DSCAML1: variants seen among roughly 807,000 people sequenced by gnomAD.
The protein encoded by DSCAML1 is DS cell adhesion molecule like 1, also known as cell adhesion molecule DSCAML1.
DSCAML1 carries 38 observed loss-of-function variants against 200.5 expected under a neutral mutation model. The observed-to-expected ratio is 0.19, with a 90% CI of 0.15 to 0.25. DSCAML1 has a LOEUF of 0.25. Ranked by LOEUF, DSCAML1 falls within the 10% of genes least tolerant of loss-of-function variation. The pLI, the probability that DSCAML1 is intolerant of heterozygous loss-of-function variation, is 1.00. For missense variants in DSCAML1, 2,223 were observed against 2,858.8 expected (o/e 0.78, Z 5.07); for synonymous variants, 1,215 against 1,165.0 (o/e 1.04, Z -0.87).
intron 3 of DSCAML1, among the ~76,000 whole-genome samples, chr11:117,641,675 C>T (rs993721797): frequency 1.3e-5 from 2 of 152,108 alleles, no homozygotes; most frequent in African/African-American, 4.8e-5. Flanking sequence ...GAGACAGACT[C>T]GGGCTGGGGA....
At position 117,463,594 on chromosome 11, in the gene DSCAML1, A is replaced by G. The variant is rs574865850; in HGVS notation, c.3265+1348T>C. Among the ~76,000 whole-genome samples, 5 of 152,284 alleles carry G rather than the reference A, an allele frequency of 3.3e-5. No homozygotes were observed. The South Asian group carries it at 1.0e-3, about 32-fold the overall frequency. On this transcript the variant is annotated intron_variant, in intron 17 of 32. Coordinates refer to ENST00000651296, the MANE Select transcript of DSCAML1 (RefSeq NM_020693.4). The surrounding 1 kb of genome is among the most constrained non-coding windows in gnomAD (Gnocchi z 4.0). ...AATGAACACTCCTGGCACTAAGAGG[A>G]GACAAGCTGATCTTCCTCAATCCAG...
chr11:117,749,268 A>G (rs1161570484), intron 3 of DSCAML1, among the ~76,000 whole-genome samples: 2 of 152,188 alleles, frequency 1.3e-5, no homozygotes, highest in Non-Finnish European at 2.9e-5. Context: ...GTGCCTTCCC[A>G]GGTAAATAAA....
chr11:117,497,122 C>T (rs770285453), intron 11 of DSCAML1, among the ~76,000 whole-genome samples: 16 of 152,174 alleles, frequency 1.1e-4, no homozygotes, highest in African/African-American at 2.9e-4. Flanking sequence ...CACAACAGAA[C>T]GCAACCCACT....
At chr11:117,440,392 A>G (rs2048018989) in intron 21 of DSCAML1, among the ~76,000 whole-genome samples, 1 of 152,220 alleles carries the variant, frequency 6.6e-6, no homozygotes, top group African/African-American at 2.4e-5. Context: ...TTGAAGGTTA[A>G]GAAAGACTTT....
intron 3 of DSCAML1, among the ~76,000 whole-genome samples, chr11:117,539,606 CAAAAA>C (rs35130897): frequency 4.0e-4 from 21 of 52,606 alleles, no homozygotes; most frequent in Non-Finnish European, 5.3e-4. Context: ...AAAACTCTGT[CAAAAA>C]AAAAAAAAAA....
intron 3 of DSCAML1, among the ~76,000 whole-genome samples, chr11:117,653,127 G>T (rs963755742): frequency 6.6e-6 from 1 of 152,066 alleles, no homozygotes; most frequent in East Asian, 1.9e-4. Context: ...TGGCTTTGCC[G>T]AGTAGTTTTG....
In DSCAML1 at chr11:117,505,788, C is replaced by T; in HGVS notation, c.1784-56G>A. 6.4e-7 allele frequency: 1 copy of T among 1,553,876 alleles called. No individual in the cohort carries two copies. The highest frequency in any genetic ancestry group is 1.2e-5 in the South Asian group (1 of 83,442). ...ACCCTGTGCATTCTCACCTGGCCGCCAACGCCGCCTCACCTGCCTTACCTG... is the reference window on the plus strand; with the variant it reads ...ACCCTGTGCATTCTCACCTGGCCGCTAACGCCGCCTCACCTGCCTTACCTG... On this transcript the variant is annotated intron_variant, in intron 8 of 32. Transcript: ENST00000651296. This position sits in a 1 kb window ranked among gnomAD's most constrained non-coding sequence, Gnocchi z 6.7.
At chr11:117,722,985 G>A (rs1430872680) in intron 3 of DSCAML1, among the ~76,000 whole-genome samples, 1 of 152,218 alleles carries the variant, frequency 6.6e-6, no homozygotes, top group Non-Finnish European at 1.5e-5. Flanking sequence ...TCTGGAGCCA[G>A]ATGGCCTGAG....
chr11:117,694,272 A>T lies in DSCAML1; in HGVS notation c.511+82519T>A, dbSNP rs1198481965. ...ACAAAAATTAGCTGGGCGTGGTGGC[A>T]GGTGCCTGTAATCCCAGCTACTTGG... On this transcript the variant is annotated intron_variant, in intron 3 of 32. Coordinates refer to ENST00000651296, the MANE Select transcript of DSCAML1 (RefSeq NM_020693.4). Among the ~76,000 whole-genome samples the T allele has an allele frequency of 2.6e-5, 4 of 151,746 alleles. No individual in the cohort carries two copies. The East Asian group carries it at 7.8e-4, about 29-fold the overall frequency.
intron 3 of DSCAML1, among the ~76,000 whole-genome samples, chr11:117,663,205 C>T (rs1158403355): frequency 4.6e-5 from 7 of 152,360 alleles, no homozygotes; most frequent in African/African-American, 1.7e-4. Flanking sequence ...ATCGCAGAGT[C>T]AGCCCTGACA....
At chr11:117,717,703 C>G in intron 3 of DSCAML1, among the ~76,000 whole-genome samples, 1 of 152,176 alleles carries the variant, frequency 6.6e-6, no homozygotes, top group East Asian at 1.9e-4. Context: ...GCCACATTCA[C>G]CCCATACTCA....
At chr11:117,648,509 C>T (rs191790416) in intron 3 of DSCAML1, among the ~76,000 whole-genome samples, 61 of 152,318 alleles carry the variant, frequency 4.0e-4, no homozygotes, top group Admixed American at 2.2e-3. Context: ...GATTCTAGAA[C>T]GTGGAAGCAG....
chr11:117,676,582 C>T (rs926249290), intron 3 of DSCAML1, among the ~76,000 whole-genome samples: 4 of 152,204 alleles, frequency 2.6e-5, no homozygotes, highest in Admixed American at 2.6e-4. Context: ...GGGACCAGTC[C>T]TTCCTAACCC....
At chr11:117,543,293 C>T (rs765247291) in intron 3 of DSCAML1, among the ~76,000 whole-genome samples, 15 of 152,160 alleles carry the variant, frequency 9.9e-5, no homozygotes, top group African/African-American at 1.9e-4. Flanking sequence ...ATGGTGCATG[C>T]GCTGGCATGT....
At chr11:117,482,200 G>A (rs2048941118) in intron 11 of DSCAML1, 38 bp from the exon 12 acceptor site, 1 of 1,610,760 alleles carries the variant, frequency 6.2e-7, no homozygotes, top group Non-Finnish European at 8.5e-7. Flanking sequence ...GTGAAGGTCG[G>A]GAGACCAGCC....
chr11:117,446,364 CAAAACA>C (rs537590853), intron 20 of DSCAML1, among the ~76,000 whole-genome samples: 2,939 of 152,016 alleles, frequency 0.019, 92 homozygotes, highest in African/African-American at 0.064. Flanking sequence ...AACTCTGTCT[CAAAACA>C]AAAACAAAAA....
chr11:117,631,329 T>C (rs1056638882), intron 3 of DSCAML1, among the ~76,000 whole-genome samples: 1 of 152,162 alleles, frequency 6.6e-6, no homozygotes, highest in Admixed American at 6.5e-5. Flanking sequence ...ACAGGGCCTG[T>C]TGGACCCGGG....
At chr11:117,481,602 A>G (rs1592645671) in intron 12 of DSCAML1, among the ~76,000 whole-genome samples, 4 of 7,764 alleles carry the variant, frequency 5.2e-4, no homozygotes, top group African/African-American at 1.7e-3. Context: ...GGTCCAGGAG[A>G]GTGGGAGGGG....
At chr11:117,644,096 A>G (rs1287183998) in intron 3 of DSCAML1, among the ~76,000 whole-genome samples, 1 of 152,176 alleles carries the variant, frequency 6.6e-6, no homozygotes, top group African/African-American at 2.4e-5. Context: ...TCCTTGCAGG[A>G]AGGGGCCCGT....
Sources: gnomAD v4.1 joint callset for allele counts (sites outside exome capture counted in the v4.1 genomes callset) on GRCh38, gnomAD v4.1.1 for gene constraint, Gnocchi (gnomAD v3.1) non-coding constraint, MANE v1.5 for transcripts, NCBI Gene and HGNC (gene_info 2026-07-23, HGNC 2026-07-21) for gene names.